The following LRIF1 variants were observed in gnomAD, a reference collection of about 807,000 sequenced individuals.
LRIF1 encodes the protein ligand dependent nuclear receptor interacting factor 1, also known as ligand-dependent nuclear receptor-interacting factor 1.
In LRIF1, 32 loss-of-function variants were observed where a neutral mutation model predicts 52.7. The ratio of observed to expected loss-of-function variants is 0.61; its 90% CI spans 0.46 to 0.82. LRIF1 has a LOEUF of 0.82. Ranked by LOEUF, LRIF1 falls within the 40% of genes least tolerant of loss-of-function variation. The pLI, the probability that LRIF1 is intolerant of heterozygous loss-of-function variation, is 0.00. For synonymous variants in LRIF1, 323 were observed against 317.4 expected, an observed-to-expected ratio of 1.02 and a Z score of -0.19; for missense variants, 887 against 892.0, an observed-to-expected ratio of 0.99 and a Z score of 0.07.
the LRIF1 span, among the ~76,000 whole-genome samples, chr1:110,887,601 T>G: frequency 6.6e-6 from 1 of 152,210 alleles, no homozygotes; most frequent in Non-Finnish European, 1.5e-5. Flanking sequence ...TTTAATATCT[T>G]GGGCCCTTAC....
At chr1:110,921,408 T>C in the LRIF1 span, among the ~76,000 whole-genome samples, 1 of 152,120 alleles carries the variant, frequency 6.6e-6, no homozygotes, top group Non-Finnish European at 1.5e-5. Flanking sequence ...AATGGAAATG[T>C]GAATCCAAAT....
chr1:110,958,511 T>G (rs1030274682), intron 1 of LRIF1, among the ~76,000 whole-genome samples: 1 of 152,138 alleles, frequency 6.6e-6, no homozygotes, highest in Non-Finnish European at 1.5e-5. Flanking sequence ...GTGAGAGGCT[T>G]TATAATTTAT....
At chr1:110,892,533 G>A in the LRIF1 span, 9 of 1,612,138 alleles carry the variant, frequency 5.6e-6, no homozygotes, top group Non-Finnish European at 7.6e-6. Flanking sequence ...TGCTTATGTC[G>A]GTGAGTCCTT....
chr1:110,947,746 G>GT lies in LRIF1; in HGVS notation c.*212dup, dbSNP rs1383760463. Reference sequence around the variant, plus strand: ...ATAAAATTTATCCTTCCAAAAAAAGGTATCTAAGACAAAGGTATAGATACC... The same window carrying GT: ...ATAAAATTTATCCTTCCAAAAAAAGGTTATCTAAGACAAAGGTATAGATACC... On this transcript the variant is annotated 3_prime_UTR_variant, in exon 4 of 4. Coordinates refer to ENST00000369763, the MANE Select transcript of LRIF1 (RefSeq NM_018372.4). 2 of 428,400 alleles carry GT rather than the reference G, an allele frequency of 4.7e-6. No individual in the cohort carries two copies. Among genetic ancestry groups the GT allele is most frequent in the African/African-American group, 4.1e-5 (2 of 48,758 alleles). The allele number at this position is 428,400 out of a possible 1,614,324, so 26.5% of individuals were successfully genotyped here. A position where few individuals can be genotyped will look rare whatever the true frequency, so the allele number is the denominator to read the frequency against.
chr1:110,894,883 C>T, the LRIF1 span: 2 of 1,098,396 alleles, frequency 1.8e-6, no homozygotes, highest in Non-Finnish European at 1.4e-6. Flanking sequence ...GAACCACTAA[C>T]CTATACTGGA....
the LRIF1 span, among the ~76,000 whole-genome samples, chr1:110,875,047 G>A: frequency 9.8e-5 from 15 of 152,318 alleles, no homozygotes; most frequent in Non-Finnish European, 1.6e-4. Flanking sequence ...GATGGAGAAC[G>A]TGCACAAACT....
rs112903409 is a variant in LRIF1 at position 110,954,269 on chromosome 1, T to C, written c.69-1454A>G. On this transcript the variant is annotated intron_variant, in intron 1 of 3. Coordinates refer to ENST00000369763, the MANE Select transcript of LRIF1 (RefSeq NM_018372.4). ...GGACACGTGAGAGTGGGTCAAAATA[T>C]TACATTGACATTTTGTTATTGTTGC... Among the ~76,000 whole-genome samples, 1,436 of 152,204 alleles carry C rather than the reference T, an allele frequency of 9.4e-3. 16 individuals carry two copies. Among genetic ancestry groups the C allele is most frequent in the Middle Eastern group, 0.044 (13 of 294 alleles).
At chr1:110,879,779 G>T in the LRIF1 span, among the ~76,000 whole-genome samples, 5 of 151,920 alleles carry the variant, frequency 3.3e-5, no homozygotes, top group Non-Finnish European at 7.4e-5. Context: ...TGTTGTTCAG[G>T]CTGGTCTTAA....
chr1:110,935,399 T>A, the LRIF1 span, among the ~76,000 whole-genome samples: 2 of 152,126 alleles, frequency 1.3e-5, no homozygotes, highest in Non-Finnish European at 2.9e-5. Flanking sequence ...GACACAGAAT[T>A]TAAAATAGCT....
At position 110,963,460 on chromosome 1, in the gene LRIF1, G is replaced by C. The variant is rs1045212250; in HGVS notation, c.68+161C>G. The C allele has an allele frequency of 5.6e-6, 3 of 534,652 alleles. No individual in the cohort carries two copies. The African/African-American group carries it at 5.7e-5, about 10-fold the overall frequency. The allele number at this position is 534,652 out of a possible 1,614,324, so 33.1% of individuals were successfully genotyped here. ...CATTTCCCAGAGGAAAGCGCTCTAT[G>C]GGCTTTAAGCGCCGCGGAGACAAGC... is the stretch of plus-strand genomic sequence containing the variant. On this transcript the variant is annotated intron_variant, in intron 1 of 3. Transcript: ENST00000369763.
the LRIF1 span, among the ~76,000 whole-genome samples, chr1:110,908,930 T>C: frequency 2.0e-5 from 3 of 152,126 alleles, no homozygotes; most frequent in Admixed American, 2.0e-4. Flanking sequence ...CCAAGCCACA[T>C]TGTCATCAGA....
the LRIF1 span, chr1:110,936,897 T>C: frequency 6.6e-6 from 1 of 152,112 alleles, no homozygotes; most frequent in Non-Finnish European, 1.5e-5. Context: ...GAAAAAGATA[T>C]TCCATTCCAA....
At chr1:110,935,470 G>T in the LRIF1 span, among the ~76,000 whole-genome samples, 1 of 152,208 alleles carries the variant, frequency 6.6e-6, no homozygotes, top group East Asian at 1.9e-4. Flanking sequence ...AATTTGATCA[G>T]ATATGTTTAA....
intron 1 of LRIF1, chr1:110,953,028 G>A (rs1658548835): frequency 9.1e-6 from 2 of 220,026 alleles, no homozygotes; most frequent in South Asian, 3.6e-4. Context: ...ATGGGTATGA[G>A]ATAATAACAT....
the LRIF1 span, among the ~76,000 whole-genome samples, chr1:110,878,028 C>T: frequency 2.0e-5 from 3 of 152,166 alleles, no homozygotes; most frequent in African/African-American, 7.2e-5. Flanking sequence ...AGAGCATGGG[C>T]TTTGGAGGCT....
the LRIF1 span, among the ~76,000 whole-genome samples, chr1:110,913,550 C>T: frequency 6.6e-6 from 1 of 152,120 alleles, no homozygotes; most frequent in Non-Finnish European, 1.5e-5. Flanking sequence ...ATGAAAAATG[C>T]TCAACATCAC....
chr1:110,927,882 A>T, the LRIF1 span, among the ~76,000 whole-genome samples: 1 of 152,194 alleles, frequency 6.6e-6, no homozygotes, highest in African/African-American at 2.4e-5. Flanking sequence ...TATTTTAAAA[A>T]TTTTATTTAA....
At chr1:110,939,373 G>A in the LRIF1 span, 1 of 91,398 alleles carries the variant, frequency 1.1e-5, no homozygotes, top group Non-Finnish European at 2.1e-5. Flanking sequence ...GCGAGACTCC[G>A]TCTCAAAAAA....
chr1:110,924,542 C>G, the LRIF1 span, among the ~76,000 whole-genome samples: 2 of 152,206 alleles, frequency 1.3e-5, no homozygotes, highest in South Asian at 2.1e-4. Context: ...ATAAAACCAT[C>G]AGATCTCGTG....
Sources: allele counts gnomAD v4.1 joint callset (sites outside exome capture counted in the v4.1 genomes callset), GRCh38; gene constraint gnomAD v4.1.1; transcripts MANE v1.5; gene names NCBI Gene and HGNC (gene_info 2026-07-23, HGNC 2026-07-21).